Variants in SLC38A6 observed in about 807,000 individuals in gnomAD.
The protein encoded by SLC38A6 is solute carrier family 38 member 6, also known as N system amino acid transporter NAT-1.
In SLC38A6, 73 loss-of-function variants were observed where a neutral mutation model predicts 65.0. The observed-to-expected ratio is 1.12, with a 90% CI of 0.93 to 1.37. SLC38A6 has a LOEUF of 1.37. Ranked by LOEUF, SLC38A6 falls within the 40% of genes most tolerant of loss-of-function variation. The probability of loss-of-function intolerance (pLI) is 0.00; values close to 1 mark genes in which losing one functional copy is unlikely to be tolerated. For synonymous variants in SLC38A6, 183 were observed against 178.8 expected, an observed-to-expected ratio of 1.02 and a Z score of -0.19; for missense variants, 561 against 531.1, an observed-to-expected ratio of 1.06 and a Z score of -0.55.
intron 4 of SLC38A6, among the ~76,000 whole-genome samples, 173 bp from the exon 5 acceptor site, chr14:61,019,368 A>G (rs1022780192): frequency 6.6e-6 from 1 of 152,200 alleles, no homozygotes; most frequent in Non-Finnish European, 1.5e-5. Flanking sequence ...AATACTTTTT[A>G]ATGTGATGAT....
intron 3 of SLC38A6, among the ~76,000 whole-genome samples, chr14:60,995,023 AAAG>A (rs1566619320): frequency 2.0e-5 from 3 of 150,152 alleles, no homozygotes; most frequent in African/African-American, 4.9e-5. Flanking sequence ...AAAAAAAAAA[AAAG>A]AAGAAGAAAT....
At chr14:61,008,795 T>A (rs1183388065) in intron 3 of SLC38A6, among the ~76,000 whole-genome samples, 1 of 152,200 alleles carries the variant, frequency 6.6e-6, no homozygotes, top group South Asian at 2.1e-4. Context: ...GTGAACACAT[T>A]ATCATCATTC....
intron 3 of SLC38A6, among the ~76,000 whole-genome samples, chr14:60,989,824 A>G (rs1038446081): frequency 2.6e-5 from 4 of 152,192 alleles, no homozygotes; most frequent in African/African-American, 9.7e-5. Context: ...TGACTTCCAC[A>G]TTGCTAAATC....
intron 15 of SLC38A6, among the ~76,000 whole-genome samples, chr14:61,065,056 A>G (rs560026332): frequency 6.6e-6 from 1 of 152,230 alleles, no homozygotes; most frequent in Admixed American, 6.5e-5. Flanking sequence ...AGACAGCAGT[A>G]GGTTGATTTA....
chr14:60,993,119 A>T (rs1406863830), intron 3 of SLC38A6, among the ~76,000 whole-genome samples: 9 of 152,156 alleles, frequency 5.9e-5, no homozygotes, highest in Non-Finnish European at 1.0e-4. Context: ...AACGGTTGGG[A>T]TTACAGGCGT....
chr14:61,050,316 T>A lies in SLC38A6; in HGVS notation c.926-196T>A, dbSNP rs189750010. 4.6e-5 allele frequency among the ~76,000 whole-genome samples: 7 copies of A among 152,298 alleles called. 1 individual carries two copies. Among genetic ancestry groups the A allele is most frequent in the African/African-American group, 1.7e-4 (7 of 41,568 alleles). ...GAGAGGTTCTGCTTATTCTGGTTTTTATTAAAGGAAAAAGGGTGTTAGGTT... is the reference window on the plus strand; with the variant it reads ...GAGAGGTTCTGCTTATTCTGGTTTTAATTAAAGGAAAAAGGGTGTTAGGTT... On this transcript the variant is annotated intron_variant, in intron 12 of 15. Transcript: ENST00000267488.
intron 16 of SLC38A6, among the ~76,000 whole-genome samples, chr14:61,080,410 C>T (rs1379314057): frequency 2.0e-5 from 3 of 152,268 alleles, no homozygotes; most frequent in East Asian, 3.9e-4. Flanking sequence ...AGTCATAGCA[C>T]CTGAGAATTT....
intron 6 of SLC38A6, among the ~76,000 whole-genome samples, chr14:61,033,367 T>G (rs1033491512): frequency 3.3e-5 from 5 of 152,202 alleles, no homozygotes; most frequent in Admixed American, 1.3e-4. Context: ...TGGAACATTT[T>G]TATCATACAG....
chr14:61,005,678 AAAG>A (rs1057365530), intron 3 of SLC38A6, among the ~76,000 whole-genome samples: 7 of 152,248 alleles, frequency 4.6e-5, no homozygotes, highest in African/African-American at 1.4e-4. Context: ...TAATGAAATA[AAAG>A]AAGATACAAA....
chr14:61,023,379 T>C (rs1250715547), intron 5 of SLC38A6, among the ~76,000 whole-genome samples: 1 of 152,092 alleles, frequency 6.6e-6, no homozygotes, highest in East Asian at 1.9e-4. Flanking sequence ...GAGACCAGCC[T>C]GGGCAACATG....
chr14:61,018,658 G>T (rs938517160), intron 4 of SLC38A6, among the ~76,000 whole-genome samples: 8 of 152,142 alleles, frequency 5.3e-5, no homozygotes, highest in Non-Finnish European at 8.8e-5. Context: ...GTGTTTTACT[G>T]TTTCCTCTAA....
chr14:61,067,981 G>A (rs369267950), intron 15 of SLC38A6, among the ~76,000 whole-genome samples: 1 of 152,066 alleles, frequency 6.6e-6, no homozygotes, highest in East Asian at 1.9e-4. Flanking sequence ...ACCGCTATCA[G>A]TATTTCTCTT....
rs2039766520 is a variant in SLC38A6, at chr14:61,013,745, A to G, written c.311-2159A>G. Among the ~76,000 whole-genome samples, 2 of 152,338 alleles carry G rather than the reference A, an allele frequency of 1.3e-5. 1 individual carries two copies. Among genetic ancestry groups the G allele is most frequent in the African/African-American group, 4.8e-5 (2 of 41,578 alleles). On this transcript the variant is annotated intron_variant, in intron 3 of 15. Coordinates refer to ENST00000267488, the MANE Select transcript of SLC38A6 (RefSeq NM_153811.3). Reference sequence around the variant, plus strand: ...TCTTCTGGCTTGTGAAGTTTCTGCCAAGAGATCAGCTGTTAGTCTGATGGG... The same window carrying G: ...TCTTCTGGCTTGTGAAGTTTCTGCCGAGAGATCAGCTGTTAGTCTGATGGG...
intron 8 of SLC38A6, among the ~76,000 whole-genome samples, chr14:61,041,345 A>G (rs1014018880): frequency 2.0e-5 from 3 of 152,178 alleles, no homozygotes; most frequent in Non-Finnish European, 1.5e-5. Context: ...ATCTTTGCAG[A>G]GAAATTAGCT....
intron 15 of SLC38A6, among the ~76,000 whole-genome samples, chr14:61,077,246 TA>T (rs1428403724): frequency 6.6e-6 from 1 of 152,224 alleles, no homozygotes. Flanking sequence ...ACTATCAGTC[TA>T]AATAACCAGT....
intron 11 of SLC38A6, among the ~76,000 whole-genome samples, chr14:61,045,640 T>C (rs1566702075): frequency 6.6e-6 from 1 of 152,190 alleles, no homozygotes; most frequent in East Asian, 1.9e-4. Flanking sequence ...TCCCAGCACT[T>C]TGGGAGGCCG....
chr14:61,083,395 A>C (rs1435747640), intron 16 of SLC38A6, among the ~76,000 whole-genome samples: 1 of 152,146 alleles, frequency 6.6e-6, no homozygotes, highest in Non-Finnish European at 1.5e-5. Flanking sequence ...GCTGTTATGC[A>C]CTCAATTGTG....
At chr14:61,022,668 C>CT (rs889806342) in intron 5 of SLC38A6, among the ~76,000 whole-genome samples, 2 of 151,612 alleles carry the variant, frequency 1.3e-5, no homozygotes, top group Admixed American at 6.6e-5. Context: ...GTTCAGATAA[C>CT]TTTTTTTTAA....
intron 15 of SLC38A6, among the ~76,000 whole-genome samples, chr14:61,076,597 C>T (rs1164268928): frequency 6.6e-6 from 1 of 152,188 alleles, no homozygotes; most frequent in Non-Finnish European, 1.5e-5. Flanking sequence ...AAAGTGTATC[C>T]AACTGTTGGA....
Sources: gnomAD v4.1 joint callset for allele counts (sites outside exome capture counted in the v4.1 genomes callset) on GRCh38, gnomAD v4.1.1 for gene constraint, MANE v1.5 for transcripts, NCBI Gene and HGNC (gene_info 2026-07-23, HGNC 2026-07-21) for gene names.